Variants in CHRNB3 observed in about 807,000 individuals in gnomAD.
The protein encoded by CHRNB3 is neuronal acetylcholine receptor subunit beta-3.
A neutral mutation model predicts 40.6 loss-of-function variants in CHRNB3; 37 were observed. That is an observed-to-expected ratio of 0.91 (90% CI 0.70 to 1.20). The LOEUF (loss-of-function observed/expected upper bound fraction) is 1.20, where lower values mean the gene tolerates loss of function less well. Ranked by LOEUF, CHRNB3 falls within the 50% of genes most tolerant of loss-of-function variation. The pLI is 0.00. For missense variants in CHRNB3, 505 were observed against 551.2 expected, an observed-to-expected ratio of 0.92 and a Z score of 0.84; for synonymous variants, 207 against 207.1, an observed-to-expected ratio of 1.00 and a Z score of 0.00.
rs78172416 is a variant in CHRNB3 at position 42,710,500 on chromosome 8, T to C, written c.249+66T>C. ...CTTATTTTCTATTTATAAAGGCTCC[T>C]ATCTGAAAAACAATTATTTAAGAGG... On this transcript the variant is annotated intron_variant, in intron 3 of 5. Transcript: ENST00000289957. 2,884 of 1,270,228 alleles carry C rather than the reference T, an allele frequency of 2.3e-3. 54 individuals carry two copies. The African/African-American group carries it at 0.039, about 17-fold the overall frequency. The allele number at this position is 1,270,228 out of a possible 1,614,324, so 78.7% of individuals were successfully genotyped here.
chr8:42,700,526 G>A (rs1012671506), intron 1 of CHRNB3, among the ~76,000 whole-genome samples: 4 of 151,132 alleles, frequency 2.6e-5, no homozygotes, highest in Admixed American at 6.6e-5. Context: ...CACCATGTTG[G>A]CCAGGCTGGT....
intron 3 of CHRNB3, among the ~76,000 whole-genome samples, chr8:42,727,964 C>G (rs542557233): frequency 6.6e-6 from 1 of 152,204 alleles, no homozygotes; most frequent in South Asian, 2.1e-4. Flanking sequence ...ATGACACAAT[C>G]CATAAACAAT....
chr8:42,699,312 CTTAT>C (rs1421511960), intron 1 of CHRNB3: 3 of 152,212 alleles, frequency 2.0e-5, no homozygotes, highest in Admixed American at 1.3e-4. Flanking sequence ...GGAGGTGTAT[CTTAT>C]TTATCTTCCC....
intron 3 of CHRNB3, among the ~76,000 whole-genome samples, chr8:42,728,447 T>G (rs7002873): frequency 0.057 from 8,700 of 152,104 alleles, 328 homozygotes; most frequent in Middle Eastern, 0.11. Flanking sequence ...AAGGATCACT[T>G]GAGCCCAGGA....
chr8:42,732,998 G>A (rs1240421792), intron 5 of CHRNB3, among the ~76,000 whole-genome samples: 2 of 151,954 alleles, frequency 1.3e-5, no homozygotes, highest in African/African-American at 4.8e-5. Context: ...ATTTTGGTGA[G>A]GAAAGAGGAT....
chr8:42,731,703 G>A lies in CHRNB3; in HGVS notation c.396G>A (p.Lys132=). The A allele has an allele frequency of 6.2e-7, 1 of 1,613,272 alleles. No homozygotes were observed. Among genetic ancestry groups the A allele is most frequent in the East Asian group, 2.2e-5 (1 of 44,872 alleles). The change falls in exon 5 of 6, where the codon AAG becomes AAA. Residue 132 remains lysine (K), a synonymous_variant. Coordinates refer to ENST00000289957, the MANE Select transcript of CHRNB3 (RefSeq NM_000749.5). ...GCTTCGAAGGCTCCCTGATGACCAA[G>A]GTCATCGTGAAATCAAACGGAACTG... ...DGRFEGSLMT[K]VIVKSNGTVV...
chr8:42,732,301 G>GC lies in CHRNB3; in HGVS notation c.999dup (p.Trp334LeufsTer3), dbSNP rs1351647597. 3 of 1,607,000 alleles carry GC rather than the reference G, an allele frequency of 1.9e-6. No individual in the cohort carries two copies. Among genetic ancestry groups the GC allele is most frequent in the Admixed American group, 3.4e-5 (2 of 58,080 alleles). On this transcript the variant is annotated frameshift_variant, in exon 5 of 6. Transcript: ENST00000289957. LOFTEE classifies it high-confidence loss of function. ...ATCTTCTTCCACGTACCACCCCATG[G>GC]CCCCCTGGGTTAAGAGGCTCTTTCT...
intron 3 of CHRNB3, among the ~76,000 whole-genome samples, chr8:42,714,027 G>C (rs779746047): frequency 6.6e-6 from 1 of 152,166 alleles, no homozygotes; most frequent in Admixed American, 6.6e-5. Flanking sequence ...TGCACAGATT[G>C]AGTTTGGAGT....
chr8:42,715,861 T>C (rs1368666867), intron 3 of CHRNB3, among the ~76,000 whole-genome samples: 1 of 152,018 alleles, frequency 6.6e-6, no homozygotes. Flanking sequence ...TAACATTGAC[T>C]CACTGGAACT....
chr8:42,732,647 T>A, intron 5 of CHRNB3, 98 bp downstream of exon 5: 1 of 1,180,832 alleles, frequency 8.5e-7, no homozygotes, highest in Non-Finnish European at 1.2e-6. Context: ...ATGGTTTAAA[T>A]GTGACGTTAT....
intron 1 of CHRNB3, among the ~76,000 whole-genome samples, chr8:42,701,289 C>T (rs891175236): frequency 6.7e-6 from 1 of 150,274 alleles, no homozygotes; most frequent in African/African-American, 2.4e-5. Context: ...CGTCTGTAAT[C>T]CAACATTTTG....
At position 42,727,864 on chromosome 8, in the gene CHRNB3, AAAAC is replaced by A. The variant is rs562968376; in HGVS notation, c.250-2718_250-2715del. On this transcript the variant is annotated intron_variant, in intron 3 of 5. Transcript: ENST00000289957. ...GCGACAGAGCAAGACTCTGTCTCAA[AAAAC>A]AAACAAACAAAAAACTACAAAATTT... is the stretch of plus-strand genomic sequence containing the variant. Among the ~76,000 whole-genome samples the A allele has an allele frequency of 5.0e-3, 759 of 152,282 alleles. 7 individuals carry two copies. Among genetic ancestry groups the A allele is most frequent in the African/African-American group, 0.014 (572 of 41,540 alleles).
intron 2 of CHRNB3, 61 bp from the exon 3 acceptor site, chr8:42,710,329 C>T: frequency 1.5e-6 from 2 of 1,345,604 alleles, no homozygotes; most frequent in Non-Finnish European, 2.1e-6. Flanking sequence ...AAAACAACAA[C>T]AAAAATCACA....
intron 3 of CHRNB3, among the ~76,000 whole-genome samples, chr8:42,719,498 T>A (rs1816181223): frequency 6.6e-6 from 1 of 151,978 alleles, no homozygotes; most frequent in Non-Finnish European, 1.5e-5. Context: ...ATAAGAAAAA[T>A]TAGCCAGGCA....
At chr8:42,734,248 A>C in intron 5 of CHRNB3, among the ~76,000 whole-genome samples, 1 of 117,476 alleles carries the variant, frequency 8.5e-6, no homozygotes, top group East Asian at 2.8e-4. Flanking sequence ...CGACAGAGCG[A>C]GACTCCATCT....
At chr8:42,719,189 G>A (rs879126158) in intron 3 of CHRNB3, among the ~76,000 whole-genome samples, 5 of 152,272 alleles carry the variant, frequency 3.3e-5, no homozygotes, top group South Asian at 4.1e-4. Flanking sequence ...AGAAAACCTC[G>A]CAGCCCCTTA....
chr8:42,714,385 C>A (rs1816066664), intron 3 of CHRNB3, among the ~76,000 whole-genome samples: 1 of 151,798 alleles, frequency 6.6e-6, no homozygotes. Flanking sequence ...ACCTGCAGTC[C>A]CAGCTACTCG....
intron 3 of CHRNB3, among the ~76,000 whole-genome samples, chr8:42,711,130 G>C (rs756949317): frequency 6.6e-6 from 1 of 151,928 alleles, no homozygotes; most frequent in Non-Finnish European, 1.5e-5. Flanking sequence ...TCCCAGTTTC[G>C]CATATGTTAT....
At chr8:42,734,812 T>C (rs1816493313) in intron 5 of CHRNB3, among the ~76,000 whole-genome samples, 1 of 152,198 alleles carries the variant, frequency 6.6e-6, no homozygotes, top group Non-Finnish European at 1.5e-5. Context: ...GTCATGTTTT[T>C]CATCCACTTA....
Sources: gnomAD v4.1 joint callset for allele counts (sites outside exome capture counted in the v4.1 genomes callset) on GRCh38, gnomAD v4.1.1 for gene constraint, MANE v1.5 for transcripts, NCBI Gene and HGNC (gene_info 2026-07-23, HGNC 2026-07-21) for gene names.